MEIKIN: variants seen among roughly 807,000 people sequenced by gnomAD.
The protein encoded by MEIKIN is meiotic kinetochore factor, also known as meiosis-specific kinetochore protein.
chr5:131,919,181 T>A lies in MEIKIN; in HGVS notation c.599-2256A>T, dbSNP rs564426150. Among the ~76,000 whole-genome samples, 27 of 152,260 alleles carry A rather than the reference T, an allele frequency of 1.8e-4. No individual in the cohort carries two copies. In the South Asian group the frequency reaches 5.6e-3, roughly 32 times the overall value. ...GTTAAAATAGCACAGAGATACCATT[T>A]GTCACCTATTAGAGTAGCAAAAATT... On this transcript the variant is annotated intron_variant, in intron 6 of 12. Transcript: ENST00000442687.
chr5:131,852,158 C>T (rs2149615430), intron 10 of MEIKIN, among the ~76,000 whole-genome samples: 1 of 152,006 alleles, frequency 6.6e-6, no homozygotes, highest in East Asian at 1.9e-4. Context: ...AATTGTAATC[C>T]CCATAATCCC....
At chr5:131,840,456 C>T (rs1371174504) in intron 11 of MEIKIN, among the ~76,000 whole-genome samples, 2 of 152,138 alleles carry the variant, frequency 1.3e-5, no homozygotes. Context: ...TTCCAAGTTG[C>T]TTCCATTCTC....
At chr5:131,909,683 A>G (rs1561752518) in intron 8 of MEIKIN, among the ~76,000 whole-genome samples, 1 of 152,166 alleles carries the variant, frequency 6.6e-6, no homozygotes, top group Non-Finnish European at 1.5e-5. Flanking sequence ...AGGGATTAAT[A>G]ACCAGAATAT....
intron 8 of MEIKIN, among the ~76,000 whole-genome samples, chr5:131,906,924 G>A (rs115162205): frequency 0.011 from 1,731 of 152,274 alleles, 24 homozygotes; most frequent in African/African-American, 0.039. Context: ...TTATTACATA[G>A]ATGAAGAAAT....
chr5:131,842,575 G>A (rs1428942812), intron 11 of MEIKIN, among the ~76,000 whole-genome samples: 4 of 151,526 alleles, frequency 2.6e-5, no homozygotes, highest in Non-Finnish European at 5.9e-5. Flanking sequence ...TTCTTCTCTT[G>A]ATGTTTTTCA....
intron 8 of MEIKIN, among the ~76,000 whole-genome samples, chr5:131,897,573 G>C (rs1358415990): frequency 1.3e-5 from 2 of 152,154 alleles, no homozygotes; most frequent in Non-Finnish European, 2.9e-5. Flanking sequence ...GCCTCTTGGA[G>C]GCTTGTTTGT....
chr5:131,840,397 A>C (rs1391440924), intron 11 of MEIKIN, among the ~76,000 whole-genome samples: 1 of 152,174 alleles, frequency 6.6e-6, no homozygotes, highest in Non-Finnish European at 1.5e-5. Context: ...CTGAGTTAAA[A>C]TGTTGGCCTC....
intron 4 of MEIKIN, among the ~76,000 whole-genome samples, chr5:131,935,283 A>G (rs978037656): frequency 3.3e-5 from 5 of 150,454 alleles, no homozygotes; most frequent in South Asian, 2.1e-4. Context: ...AAAAAAAAAA[A>G]AAAAAAGAAA....
chr5:131,832,504 C>T (rs764227660), intron 11 of MEIKIN, among the ~76,000 whole-genome samples: 9 of 152,122 alleles, frequency 5.9e-5, no homozygotes, highest in South Asian at 2.1e-4. Context: ...GTGGTTCTAC[C>T]GTTCTGAGGT....
At chr5:131,810,652 T>C (rs1404834571) in intron 12 of MEIKIN, among the ~76,000 whole-genome samples, 1 of 152,328 alleles carries the variant, frequency 6.6e-6, no homozygotes, top group African/African-American at 2.4e-5. Context: ...ACCAGGTCTG[T>C]AGTTATTCTG....
At position 131,813,888 on chromosome 5, in the gene MEIKIN, GA is replaced by G. The variant is rs1436138571; in HGVS notation, c.1099+4851del. Among the ~76,000 whole-genome samples, 4 of 152,186 alleles carry G rather than the reference GA, an allele frequency of 2.6e-5. No homozygotes were observed. The East Asian group carries it at 7.7e-4, about 29-fold the overall frequency. On this transcript the variant is annotated intron_variant, in intron 12 of 12. Transcript: ENST00000442687. ...AGGAGTATTAACTCACATGATCGCA[GA>G]GTCCCACAATAGGCCATCTGCAAGC...
chr5:131,904,608 AACT>A lies in MEIKIN; in HGVS notation c.703+7204_703+7206del, dbSNP rs1378138386. ...CGATTCCTCAAGGATCTAGAATCAG[AACT>A]ACTATTTGATCCAGCAATCCCATTA... On this transcript the variant is annotated intron_variant, in intron 8 of 12. Coordinates refer to ENST00000442687, the MANE Select transcript of MEIKIN (RefSeq NM_001303622.2). 1.2e-4 allele frequency among the ~76,000 whole-genome samples: 18 copies of A among 152,332 alleles called. No homozygotes were observed. In the South Asian group the frequency reaches 3.5e-3, roughly 30 times the overall value.
intron 11 of MEIKIN, among the ~76,000 whole-genome samples, chr5:131,840,901 C>T (rs578193240): frequency 2.6e-5 from 4 of 152,132 alleles, no homozygotes; most frequent in Admixed American, 6.5e-5. Context: ...GTAGTGCTAT[C>T]GTTTGGAGGA....
intron 12 of MEIKIN, among the ~76,000 whole-genome samples, chr5:131,811,862 C>T (rs995672000): frequency 5.3e-5 from 8 of 152,126 alleles, no homozygotes; most frequent in Non-Finnish European, 1.0e-4. Flanking sequence ...CCAAAGTGCT[C>T]GGATTACAGG....
intron 8 of MEIKIN, among the ~76,000 whole-genome samples, chr5:131,882,412 C>T (rs1750715800): frequency 6.6e-6 from 1 of 152,104 alleles, no homozygotes; most frequent in Non-Finnish European, 1.5e-5. Flanking sequence ...ACAGCTTGCT[C>T]CTCTGGAGTG....
intron 11 of MEIKIN, among the ~76,000 whole-genome samples, chr5:131,825,768 A>T (rs572138963): frequency 6.6e-6 from 1 of 152,234 alleles, no homozygotes; most frequent in Non-Finnish European, 1.5e-5. Context: ...GTTATCTCCC[A>T]GGAGCCTGGC....
rs201608774 is a variant in MEIKIN, at chr5:131,943,818, T to TA, written c.288+846dup. 1.8e-3 allele frequency among the ~76,000 whole-genome samples: 267 copies of TA among 150,730 alleles called. 1 individual carries two copies. Among genetic ancestry groups the TA allele is most frequent in the Middle Eastern group, 6.8e-3 (2 of 294 alleles). On this transcript the variant is annotated intron_variant, in intron 3 of 12. Transcript: ENST00000442687. Reference sequence around the variant, plus strand: ...AACATGTTATAAAGGAATATTAAGTTAAAAAAAAATAGAACTTGGCCAGGT... The same window carrying TA: ...AACATGTTATAAAGGAATATTAAGTTAAAAAAAAAATAGAACTTGGCCAGGT...
chr5:131,874,606 A>T (rs1466914672), intron 9 of MEIKIN, among the ~76,000 whole-genome samples: 5 of 152,218 alleles, frequency 3.3e-5, no homozygotes, highest in African/African-American at 7.2e-5. Context: ...AACTATTCCA[A>T]TCAATAGAAA....
intron 9 of MEIKIN, among the ~76,000 whole-genome samples, chr5:131,871,225 G>A (rs1200678604): frequency 6.6e-6 from 1 of 152,246 alleles, no homozygotes; most frequent in African/African-American, 2.4e-5. Flanking sequence ...GGAAGCACAA[G>A]GGGTCAGGGA....
Sources: gnomAD v4.1 joint callset for allele counts (sites outside exome capture counted in the v4.1 genomes callset) on GRCh38, gnomAD v4.1.1 for gene constraint, MANE v1.5 for transcripts, NCBI Gene and HGNC (gene_info 2026-07-23, HGNC 2026-07-21) for gene names.